Variants in STAMBP observed in about 807,000 individuals in gnomAD.
The protein encoded by STAMBP is STAM-binding protein.
A neutral mutation model predicts 50.7 loss-of-function variants in STAMBP; 31 were observed. That is an observed-to-expected ratio of 0.61 (90% CI 0.46 to 0.83). STAMBP has a LOEUF of 0.83. STAMBP is among the 40% of genes least tolerant of loss of function. STAMBP has a pLI of 0.00. For synonymous variants in STAMBP, 211 were observed against 192.4 expected (o/e 1.10, Z -0.80); for missense variants, 472 against 518.9 (o/e 0.91, Z 0.88).
chr2:73,861,811 G>GCCA (rs1158339416), intron 9 of STAMBP, among the ~76,000 whole-genome samples: 3 of 151,484 alleles, frequency 2.0e-5, no homozygotes, highest in Admixed American at 6.6e-5. Context: ...ACAAGCGTGA[G>GCCA]CCACCGCACC....
Position 73,850,102 on chromosome 2 carries a change from A to G in STAMBP, c.868-274A>G, listed in dbSNP as rs1400337584. On this transcript the variant is annotated intron_variant, in intron 6 of 9. Coordinates refer to ENST00000394070, the MANE Select transcript of STAMBP (RefSeq NM_213622.4). The surrounding 1 kb of genome is among the most constrained non-coding windows in gnomAD (Gnocchi z 4.3). ...GGTACTCTACCCAGAGCTTCTCAGCAGAGCAGTTTGGCACAGCAGGAAATT... is the reference window on the plus strand; with the variant it reads ...GGTACTCTACCCAGAGCTTCTCAGCGGAGCAGTTTGGCACAGCAGGAAATT... Among the ~76,000 whole-genome samples, 1 of 152,252 alleles carries G rather than the reference A, an allele frequency of 6.6e-6. No individual in the cohort carries two copies. The highest frequency in any genetic ancestry group is 1.5e-5 in the Non-Finnish European group (1 of 68,036).
At chr2:73,833,053 C>T (rs1285480986) in intron 2 of STAMBP, among the ~76,000 whole-genome samples, 1 of 152,112 alleles carries the variant, frequency 6.6e-6, no homozygotes, top group Non-Finnish European at 1.5e-5. Flanking sequence ...ATGTTCCACC[C>T]CATAGTGGAG....
chr2:73,836,627 C>T (rs1008222500), intron 2 of STAMBP, among the ~76,000 whole-genome samples: 1 of 152,206 alleles, frequency 6.6e-6, no homozygotes, highest in Non-Finnish European at 1.5e-5. Flanking sequence ...CCGCTTGGCC[C>T]GGCACTGCTA....
At position 73,829,504 on chromosome 2, in the gene STAMBP, C is replaced by G. The variant is rs998935228; in HGVS notation, c.-19C>G. 3 of 152,192 alleles carry G rather than the reference C, an allele frequency of 2.0e-5. No individual in the cohort carries two copies. Among genetic ancestry groups the G allele is most frequent in the Non-Finnish European group, 4.4e-5 (3 of 68,056 alleles). The allele number at this position is 152,192 out of a possible 1,614,324, so 9.4% of individuals were successfully genotyped here. A position where few individuals can be genotyped will look rare whatever the true frequency, so the allele number is the denominator to read the frequency against. Reference sequence around the variant, plus strand: ...CTTTCTTAACCCACAAGAACCTCTCCCAAGAGGTACTGAGATGCAACAAGC... The same window carrying G: ...CTTTCTTAACCCACAAGAACCTCTCGCAAGAGGTACTGAGATGCAACAAGC... On this transcript the variant is annotated 5_prime_UTR_variant, in exon 1 of 10. Transcript: ENST00000394070.
chr2:73,867,448 G>A (rs528226020), downstream of STAMBP, among the ~76,000 whole-genome samples: 220 of 152,286 alleles, frequency 1.4e-3, no homozygotes, highest in African/African-American at 5.1e-3. Context: ...GGAGGCTAAG[G>A]CATGAGAATC....
chr2:73,836,427 A>G (rs966192733), intron 2 of STAMBP, among the ~76,000 whole-genome samples: 1 of 152,202 alleles, frequency 6.6e-6, no homozygotes, highest in Admixed American at 6.5e-5. Flanking sequence ...GCTGCCCTCA[A>G]GGTGGGGTGG....
At position 73,863,949 on chromosome 2, in the gene STAMBP, C is replaced by T. The variant is rs936209448; in HGVS notation, c.*1690C>T. On this transcript the variant is annotated 3_prime_UTR_variant, in exon 10 of 10. Coordinates refer to ENST00000394070, the MANE Select transcript of STAMBP (RefSeq NM_213622.4). The stretch of plus-strand genomic sequence containing the variant: ...TCATGTTTTCTCTCTTGCTCAAAAA[C>T]CTGCAATAGCTTCCCATTGCTGAAA... 6.6e-6 allele frequency: 1 copy of T among 152,228 alleles called. No homozygotes were observed. Among genetic ancestry groups the T allele is most frequent in the African/African-American group, 2.4e-5 (1 of 41,460 alleles). The allele number at this position is 152,228 out of a possible 1,614,324, so 9.4% of individuals were successfully genotyped here.
intron 7 of STAMBP, chr2:73,855,570 G>T (rs1030952840): frequency 3.7e-5 from 17 of 455,828 alleles, no homozygotes; most frequent in African/African-American, 3.4e-4. Flanking sequence ...GGAAGGTGGT[G>T]TTGGCACAGG....
chr2:73,845,278 C>A lies in STAMBP; in HGVS notation c.375+16C>A. ...TGAAGAAAAGGTCAGTATATAACAG[C>A]TAAGAAGAAAATTATTTTGCTTTTT... On this transcript the variant is annotated intron_variant, in intron 4 of 9. Coordinates refer to ENST00000394070, the MANE Select transcript of STAMBP (RefSeq NM_213622.4). The A allele has an allele frequency of 6.4e-7, 1 of 1,557,614 alleles. No individual in the cohort carries two copies. The highest frequency in any genetic ancestry group is 8.8e-7 in the Non-Finnish European group (1 of 1,135,884).
intron 7 of STAMBP, among the ~76,000 whole-genome samples, chr2:73,852,115 G>A (rs1235030575): frequency 6.6e-6 from 1 of 152,188 alleles, no homozygotes; most frequent in Non-Finnish European, 1.5e-5. Context: ...AAGGTAGGTT[G>A]TGGCAAGGAG....
At chr2:73,848,605 T>C (rs527666007) in intron 5 of STAMBP, among the ~76,000 whole-genome samples, 40 of 152,220 alleles carry the variant, frequency 2.6e-4, no homozygotes, top group African/African-American at 9.6e-4. Flanking sequence ...TTCTGGAGAG[T>C]GGAAAGTCCA....
In STAMBP at chr2:73,834,260, T is replaced by A. The variant is rs1422931969; in HGVS notation, c.203+3201T>A. Among the ~76,000 whole-genome samples the A allele has an allele frequency of 2.7e-3, 182 of 66,366 alleles. 20 individuals carry two copies. The highest frequency in any genetic ancestry group is 6.4e-3 in the East Asian group (10 of 1,574). 43.5% of individuals were successfully genotyped at this position (66,366 alleles called of 152,430 possible). ...AAATATATATATATATATATATATA[T>A]ATATATATATATATATATATATATA... On this transcript the variant is annotated intron_variant, in intron 2 of 9. Coordinates refer to ENST00000394070, the MANE Select transcript of STAMBP (RefSeq NM_213622.4).
rs539871538 is a variant in STAMBP, at chr2:73,840,749, A to T, written c.204-4064A>T. Among the ~76,000 whole-genome samples, 91 of 151,178 alleles carry T rather than the reference A, an allele frequency of 6.0e-4. 1 individual carries two copies. In the East Asian group the frequency reaches 9.4e-3, roughly 16 times the overall value. ...GCAGAGCAAGACTCTGTCTCAAAAA[A>T]AAAAAAATAAATAAATCAAAAAAAA... On this transcript the variant is annotated intron_variant, in intron 2 of 9. Coordinates refer to ENST00000394070, the MANE Select transcript of STAMBP (RefSeq NM_213622.4).
At chr2:73,834,801 T>C (rs531709436) in intron 2 of STAMBP, among the ~76,000 whole-genome samples, 1 of 152,124 alleles carries the variant, frequency 6.6e-6, no homozygotes, top group Non-Finnish European at 1.5e-5. Flanking sequence ...TCCAAGAGCA[T>C]AGGGCAGAGC....
chr2:73,859,770 A>C (rs1050770756), intron 8 of STAMBP, among the ~76,000 whole-genome samples: 1 of 152,166 alleles, frequency 6.6e-6, no homozygotes, highest in Non-Finnish European at 1.5e-5. Context: ...ACATTATCTC[A>C]GAATGCACTT....
intron 7 of STAMBP, among the ~76,000 whole-genome samples, chr2:73,855,234 T>C (rs889069661): frequency 6.6e-6 from 1 of 152,158 alleles, no homozygotes; most frequent in Non-Finnish European, 1.5e-5. Flanking sequence ...AAAATTTCCC[T>C]CTTAGGTACC....
At chr2:73,858,893 C>A (rs1000721845) in intron 7 of STAMBP, among the ~76,000 whole-genome samples, 4 of 151,454 alleles carry the variant, frequency 2.6e-5, no homozygotes, top group African/African-American at 4.9e-5. Flanking sequence ...TAGTCCCCCC[C>A]TTATCCTCAG....
Position 73,864,744 on chromosome 2 carries a change from G to A in STAMBP, c.*2485G>A, listed in dbSNP as rs950790263. 6.6e-6 allele frequency: 1 copy of A among 152,248 alleles called. No individual in the cohort carries two copies. Among genetic ancestry groups the A allele is most frequent in the Non-Finnish European group, 1.5e-5 (1 of 68,080 alleles). The allele number at this position is 152,248 out of a possible 1,614,324, so 9.4% of individuals were successfully genotyped here. A position where few individuals can be genotyped will look rare whatever the true frequency, so the allele number is the denominator to read the frequency against. On this transcript the variant is annotated 3_prime_UTR_variant, in exon 10 of 10. Transcript: ENST00000394070. Reference sequence around the variant, plus strand: ...GCACAAGTACCATACTTAGTGTTCTGGGCTGAGAGGGGAGACAAAAGCATC... The same window carrying A: ...GCACAAGTACCATACTTAGTGTTCTAGGCTGAGAGGGGAGACAAAAGCATC...
chr2:73,854,033 C>G (rs140584800), intron 7 of STAMBP, among the ~76,000 whole-genome samples: 1 of 152,232 alleles, frequency 6.6e-6, no homozygotes, highest in East Asian at 1.9e-4. Context: ...TGAACATGTT[C>G]TTATGCCCAA....
Sources: gnomAD v4.1 joint callset for allele counts (sites outside exome capture counted in the v4.1 genomes callset) on GRCh38, gnomAD v4.1.1 for gene constraint, Gnocchi (gnomAD v3.1) non-coding constraint, MANE v1.5 for transcripts, NCBI Gene and HGNC (gene_info 2026-07-23, HGNC 2026-07-21) for gene names.